The following PRKAR1A variants were observed in gnomAD, a reference collection of about 807,000 sequenced individuals.
PRKAR1A encodes cAMP-dependent protein kinase type I-alpha regulatory subunit.
A neutral mutation model predicts 52.0 loss-of-function variants in PRKAR1A; 3 were observed. The observed-to-expected ratio is 0.06, with a 90% CI of 0.03 to 0.15. PRKAR1A has a LOEUF of 0.15. Ranked by LOEUF, PRKAR1A falls within the 10% of genes least tolerant of loss-of-function variation. The pLI is 1.00. For synonymous variants in PRKAR1A, 188 were observed against 168.4 expected, an observed-to-expected ratio of 1.12 and a Z score of -0.90; for missense variants, 240 against 477.4, an observed-to-expected ratio of 0.50 and a Z score of 4.63.
chr17:68,456,629 A>G, the PRKAR1A span, among the ~76,000 whole-genome samples: 1 of 152,148 alleles, frequency 6.6e-6, no homozygotes, highest in Non-Finnish European at 1.5e-5. Flanking sequence ...CTCAAAAACA[A>G]CAGGGTGGAG....
chr17:68,441,502 A>G, the PRKAR1A span, among the ~76,000 whole-genome samples: 1 of 152,238 alleles, frequency 6.6e-6, no homozygotes, highest in Non-Finnish European at 1.5e-5. Context: ...TCAGAAAATA[A>G]ACTAGAGGAT....
At chr17:68,474,473 G>A in the PRKAR1A span, among the ~76,000 whole-genome samples, 1 of 152,208 alleles carries the variant, frequency 6.6e-6, no homozygotes, top group African/African-American at 2.4e-5. Context: ...CCGGTTGTCT[G>A]ATGTCACACA....
chr17:68,504,475 CAT>C, the PRKAR1A span, among the ~76,000 whole-genome samples: 32 of 152,114 alleles, frequency 2.1e-4, no homozygotes, highest in African/African-American at 4.8e-4. Flanking sequence ...CAAAAAAAGA[CAT>C]GTGGTACAAA....
chr17:68,530,116 C>CT (rs2085928046), intron 10 of PRKAR1A, 115 bp downstream of exon 10: 1 of 1,479,156 alleles, frequency 6.8e-7, no homozygotes, highest in Admixed American at 1.7e-5. Flanking sequence ...TAACTGCAGT[C>CT]TTTTTTGGCT....
chr17:68,549,563 A>G (rs1381730085), intron 11 of PRKAR1A, among the ~76,000 whole-genome samples: 1 of 151,112 alleles, frequency 6.6e-6, no homozygotes, highest in Non-Finnish European at 1.5e-5. Context: ...AACAGAATCT[A>G]TGGACCTGGT....
At chr17:68,455,684 A>G in the PRKAR1A span, among the ~76,000 whole-genome samples, 302 of 152,356 alleles carry the variant, frequency 2.0e-3, 1 homozygote, top group Non-Finnish European at 3.3e-3. Flanking sequence ...AGTAGGGAGT[A>G]AGGAAATTAA....
At chr17:68,452,608 G>A in the PRKAR1A span, among the ~76,000 whole-genome samples, 1 of 152,136 alleles carries the variant, frequency 6.6e-6, no homozygotes, top group Non-Finnish European at 1.5e-5. Flanking sequence ...CTTTAGGTTT[G>A]ACAGTTATAA....
chr17:68,434,976 T>C, the PRKAR1A span, among the ~76,000 whole-genome samples: 1 of 151,814 alleles, frequency 6.6e-6, no homozygotes, highest in Admixed American at 6.6e-5. Flanking sequence ...CCAAGGCGGG[T>C]GGATTGCCTG....
chr17:68,549,443 G>A (rs1000185319), intron 11 of PRKAR1A, among the ~76,000 whole-genome samples: 8 of 150,986 alleles, frequency 5.3e-5, no homozygotes, highest in Admixed American at 2.0e-4. Flanking sequence ...GCAGTGAGCC[G>A]AGATAGCGCC....
intron 3 of PRKAR1A, among the ~76,000 whole-genome samples, chr17:68,523,377 G>A (rs1184087949): frequency 1.3e-5 from 2 of 152,198 alleles, no homozygotes; most frequent in African/African-American, 2.4e-5. Context: ...GGCTTGTGAA[G>A]CTAACAGATC....
chr17:68,514,991 C>CT, intron 1 of PRKAR1A: 1 of 274,996 alleles, frequency 3.6e-6, no homozygotes, highest in South Asian at 3.8e-5. Context: ...TTACAGTTGA[C>CT]TTTTGTGCCC....
the PRKAR1A span, among the ~76,000 whole-genome samples, chr17:68,459,970 G>A: frequency 5.3e-5 from 8 of 151,528 alleles, no homozygotes; most frequent in Non-Finnish European, 7.4e-5. Context: ...TCAGGCCCCC[G>A]CCACCATGCC....
At chr17:68,426,252 G>GGGGGGGGGGGGT in the PRKAR1A span, 3 of 828,186 alleles carry the variant, frequency 3.6e-6, no homozygotes, top group Non-Finnish European at 5.7e-6. Flanking sequence ...TGGGGAGCGG[G>GGGGGGGGGGGGT]GGCTCAAATA....
chr17:68,486,449 C>T, the PRKAR1A span, among the ~76,000 whole-genome samples: 1 of 142,814 alleles, frequency 7.0e-6, no homozygotes, highest in African/African-American at 2.6e-5. Context: ...TTCCTTCCTT[C>T]CCTCTTTCTT....
chr17:68,444,150 C>T, the PRKAR1A span, among the ~76,000 whole-genome samples: 135 of 152,274 alleles, frequency 8.9e-4, no homozygotes, highest in African/African-American at 3.0e-3. Context: ...CTGTACTGAA[C>T]GAACCACAAA....
At chr17:68,433,369 T>C in the PRKAR1A span, 3 of 1,116,036 alleles carry the variant, frequency 2.7e-6, no homozygotes, top group East Asian at 4.8e-5. Context: ...AAGCCAAGAT[T>C]GGGTGTTCAG....
rs139956199 is a variant in PRKAR1A at position 68,542,354 on chromosome 17, G to A, written c.974-8730G>A. Among the ~76,000 whole-genome samples, 381 of 152,250 alleles carry A rather than the reference G, an allele frequency of 2.5e-3. 3 individuals carry two copies. Among genetic ancestry groups the A allele is most frequent in the African/African-American group, 8.3e-3 (344 of 41,542 alleles). Reference sequence around the variant, plus strand: ...GAATGCTACTAAGCTGAACCTCCTGGGAACCTGCTTTCAAATGTCCCAACC... The same window carrying A: ...GAATGCTACTAAGCTGAACCTCCTGAGAACCTGCTTTCAAATGTCCCAACC... On this transcript the variant is annotated intron_variant, in intron 11 of 11. Transcript: ENST00000585981.
chr17:68,455,904 C>T, the PRKAR1A span, among the ~76,000 whole-genome samples: 2 of 152,182 alleles, frequency 1.3e-5, no homozygotes, highest in African/African-American at 2.4e-5. Context: ...AGGAAAACAT[C>T]ACCCAGGCAT....
intron 11 of PRKAR1A, among the ~76,000 whole-genome samples, chr17:68,547,147 G>C (rs1385128362): frequency 1.3e-5 from 2 of 152,132 alleles, no homozygotes; most frequent in Non-Finnish European, 2.9e-5. Context: ...GTAAAATTTA[G>C]CATCACTCTT....
Sources: gnomAD v4.1 joint callset for allele counts (sites outside exome capture counted in the v4.1 genomes callset) on GRCh38, gnomAD v4.1.1 for gene constraint, MANE v1.5 for transcripts, NCBI Gene and HGNC (gene_info 2026-07-23, HGNC 2026-07-21) for gene names.